The following AGA variants were observed in gnomAD, a reference collection of about 807,000 sequenced individuals.
AGA encodes the protein aspartylglucosaminidase, also known as N(4)-(beta-N-acetylglucosaminyl)-L-asparaginase.
A neutral mutation model predicts 40.1 loss-of-function variants in AGA; 31 were observed. The observed-to-expected ratio is 0.77, with a 90% confidence interval of 0.58 to 1.04. The LOEUF (loss-of-function observed/expected upper bound fraction) is 1.04. Among genes scored for constraint, AGA ranks in the 50% least tolerant of loss-of-function variants. The pLI is 0.00. For synonymous variants in AGA, 148 were observed against 144.0 expected (o/e 1.03, Z -0.20); for missense variants, 445 against 435.4 (o/e 1.02, Z -0.20).
chr4:177,440,465 AT>A (rs747908061), intron 1 of AGA, 39 bp from the exon 2 acceptor site: 408 of 1,558,262 alleles, frequency 2.6e-4, no homozygotes, highest in South Asian at 1.1e-3. Flanking sequence ...TTATATATAT[AT>A]TTTTTTTTCA....
intron 8 of AGA, among the ~76,000 whole-genome samples, chr4:177,432,387 A>C (rs1473308465): frequency 6.6e-6 from 1 of 152,166 alleles, no homozygotes; most frequent in Non-Finnish European, 1.5e-5. Context: ...CATTCTGTTA[A>C]ATCCAACTTT....
intron 5 of AGA, chr4:177,437,084 A>C: frequency 3.0e-6 from 1 of 338,952 alleles, no homozygotes; most frequent in South Asian, 2.7e-5. Context: ...ACATAGACTA[A>C]TGTAAATTTT....
chr4:177,431,874 A>C, intron 8 of AGA, 66 bp from the exon 9 acceptor site: 1 of 1,324,500 alleles, frequency 7.6e-7, no homozygotes, highest in East Asian at 2.4e-5. Context: ...ACCAATACAG[A>C]TACTGCTTAT....
chr4:177,436,250 A>G (rs1736812446), intron 6 of AGA, 26 bp downstream of exon 6: 1 of 1,574,402 alleles, frequency 6.4e-7, no homozygotes, highest in Non-Finnish European at 8.7e-7. Context: ...TATATTTGAG[A>G]GCTCTGTTCT....
intron 7 of AGA, 38 bp from the exon 8 acceptor site, chr4:177,433,385 T>A: frequency 6.2e-7 from 1 of 1,613,404 alleles, no homozygotes; most frequent in African/African-American, 1.3e-5. Context: ...TGTCTCAGAA[T>A]AAATACTAAC....
intron 5 of AGA, among the ~76,000 whole-genome samples, chr4:177,436,800 TATTA>T (rs1187148271): frequency 1.3e-5 from 2 of 149,148 alleles, no homozygotes; most frequent in Admixed American, 1.3e-4. Context: ...CAATTAACAT[TATTA>T]ATTATTATTA....
rs555633671 is a variant in AGA at position 177,442,141 on chromosome 4, C to A, written c.127+108G>T. Reference sequence around the variant, plus strand: ...GCGGGACCGCGAGGCCCGGCCCAGCCCGGCGCTCTTCCGTCCGCCCTGCCG... The same window carrying A: ...GCGGGACCGCGAGGCCCGGCCCAGCACGGCGCTCTTCCGTCCGCCCTGCCG... On this transcript the variant is annotated intron_variant, in intron 1 of 8. Coordinates refer to ENST00000264595, the MANE Select transcript of AGA (RefSeq NM_000027.4). The A allele has an allele frequency of 2.2e-5, 33 of 1,518,018 alleles. No individual in the cohort carries two copies. In the South Asian group the frequency reaches 2.9e-4, roughly 13 times the overall value. The allele number at this position is 1,518,018 out of a possible 1,614,324, so 94.0% of individuals were successfully genotyped here. A position where few individuals can be genotyped will look rare whatever the true frequency, so the allele number is the denominator to read the frequency against.
At chr4:177,439,536 C>G (rs753726935) in intron 3 of AGA, 40 bp downstream of exon 3, 3 of 1,422,152 alleles carry the variant, frequency 2.1e-6, no homozygotes, top group Non-Finnish European at 3.0e-6. Flanking sequence ...AAACTATAGT[C>G]AAAAGACTAG....
chr4:177,435,717 C>T (rs1378159613), intron 6 of AGA, among the ~76,000 whole-genome samples: 1 of 151,886 alleles, frequency 6.6e-6, no homozygotes, highest in Non-Finnish European at 1.5e-5. Flanking sequence ...ACCCCCACAC[C>T]CCTTCTTCCC....
chr4:177,437,867 G>A (rs1445791892), intron 4 of AGA, among the ~76,000 whole-genome samples: 2 of 152,034 alleles, frequency 1.3e-5, no homozygotes, highest in Admixed American at 1.3e-4. Flanking sequence ...GATACACACT[G>A]GACCTTTAAA....
chr4:177,437,712 C>T lies in AGA; in HGVS notation c.508-193G>A, dbSNP rs115421790. 0.022 allele frequency among the ~76,000 whole-genome samples: 3,380 copies of T among 152,182 alleles called. 83 individuals are homozygous for T. Among genetic ancestry groups the T allele is most frequent in the Admixed American group, 0.057 (877 of 15,294 alleles). ...AAGATAAATAATTTTACTGAATATC[C>T]ATTCTAGTCTAAGAATTAAATAATA... is the stretch of plus-strand genomic sequence containing the variant. On this transcript the variant is annotated intron_variant, in intron 4 of 8. Transcript: ENST00000264595.
intron 2 of AGA, 181 bp downstream of exon 2, chr4:177,440,092 T>C (rs1736945861): frequency 2.8e-6 from 2 of 706,042 alleles, no homozygotes; most frequent in Non-Finnish European, 4.8e-6. Context: ...CATGTGATAT[T>C]TCTATTACTC....
At chr4:177,441,162 C>CTAT (rs1736993575) in intron 1 of AGA, among the ~76,000 whole-genome samples, 1 of 152,192 alleles carries the variant, frequency 6.6e-6, no homozygotes, top group Non-Finnish European at 1.5e-5. Context: ...GTAAACACTA[C>CTAT]AGCACCTACA....
intron 6 of AGA, among the ~76,000 whole-genome samples, chr4:177,435,653 T>C (rs1560947478): frequency 6.6e-6 from 1 of 152,056 alleles, no homozygotes; most frequent in Admixed American, 6.6e-5. Context: ...GCCCCAGTCT[T>C]CCCTTGTAGT....
intron 6 of AGA, among the ~76,000 whole-genome samples, chr4:177,434,944 G>C (rs971945471): frequency 1.3e-5 from 2 of 149,914 alleles, no homozygotes; most frequent in African/African-American, 4.9e-5. Context: ...CTGTCACCCA[G>C]CTGGAGTGCA....
chr4:177,440,509 C>A (rs1463649313), intron 1 of AGA, 83 bp from the exon 2 acceptor site: 1 of 1,449,272 alleles, frequency 6.9e-7, no homozygotes, highest in African/African-American at 1.4e-5. Flanking sequence ...TCCAATTTAA[C>A]AACTTTTTCA....
chr4:177,433,341 T>C lies in AGA; in HGVS notation c.813A>G (p.Gln271=). Residue 271 remains glutamine, a synonymous_variant, in exon 8 of 9, where the codon CAA becomes CAG. Transcript: ENST00000264595. ...CTCCTCTTCTCATGTATTCTACAGC[T>C]TGGTAGCTGATTGAAACAGAGGTGA... ...DILMRFLPSY[Q]AVEYMRRGED... The C allele has an allele frequency of 6.2e-7, 1 of 1,614,076 alleles. No individual in the cohort carries two copies. Among genetic ancestry groups the C allele is most frequent in the Non-Finnish European group, 8.5e-7 (1 of 1,179,978 alleles).
rs182081300 is a variant in AGA at position 177,430,856 on chromosome 4, G to A, written c.*852C>T. ...AGGAAAAATGCTGCTGAGAAAGCAC[G>A]CGCACAACTTCTGTAGAGTTGTCAT... On this transcript the variant is annotated 3_prime_UTR_variant, in exon 9 of 9. Transcript: ENST00000264595. The A allele has an allele frequency of 4.3e-4, 197 of 454,014 alleles. 1 individual carries two copies. Among genetic ancestry groups the A allele is most frequent in the African/African-American group, 3.2e-3 (161 of 50,104 alleles). The allele number at this position is 454,014 out of a possible 1,614,324, so 28.1% of individuals were successfully genotyped here.
Position 177,431,645 on chromosome 4 carries a change from G to C in AGA, c.*63C>G. The stretch of plus-strand genomic sequence containing the variant: ...ATGAGGAACACTAGATGATGAGAGT[G>C]AGCAGCCTTTTCAGCCTTTGTTTCT... On this transcript the variant is annotated 3_prime_UTR_variant, in exon 9 of 9. Coordinates refer to ENST00000264595, the MANE Select transcript of AGA (RefSeq NM_000027.4). The C allele has an allele frequency of 7.4e-7, 1 of 1,347,318 alleles. No homozygotes were observed. Among genetic ancestry groups the C allele is most frequent in the East Asian group, 2.3e-5 (1 of 42,980 alleles). 83.5% of individuals were successfully genotyped at this position (1,347,318 alleles called of 1,614,324 possible). A position where few individuals can be genotyped will look rare whatever the true frequency, so the allele number is the denominator to read the frequency against.
Sources: gnomAD v4.1 joint callset for allele counts (sites outside exome capture counted in the v4.1 genomes callset) on GRCh38, gnomAD v4.1.1 for gene constraint, MANE v1.5 for transcripts, NCBI Gene and HGNC (gene_info 2026-07-23, HGNC 2026-07-21) for gene names.